The following CCR1 variants were observed in gnomAD, a reference collection of about 807,000 sequenced individuals.
CCR1 encodes C-C chemokine receptor type 1.
In CCR1, 1 loss-of-function variant was observed where a neutral mutation model predicts 0.3. That is an observed-to-expected ratio of 3.70 (90% CI 1.31 to 17.54). CCR1 has a LOEUF of 17.54. Ranked by LOEUF, CCR1 falls within the 30% of genes most tolerant of loss-of-function variation. The pLI is 0.11. For synonymous variants in CCR1, 207 were observed against 182.5 expected (o/e 1.13, Z -1.08); for missense variants, 349 against 435.4 (o/e 0.80, Z 1.77).
rs1005668593 is a variant in CCR1 at position 46,206,948 on chromosome 3, T to C, written c.-12+1334A>G. Among the ~76,000 whole-genome samples the C allele has an allele frequency of 5.3e-5, 8 of 152,336 alleles. No individual in the cohort carries two copies. The East Asian group carries it at 1.3e-3, about 26-fold the overall frequency. On this transcript the variant is annotated intron_variant, in intron 1 of 1. Coordinates refer to ENST00000296140, the MANE Select transcript of CCR1 (RefSeq NM_001295.3). Reference sequence around the variant, plus strand: ...GTCTCTGAGCAGAGATAGAGCAGTCTGTGATGGTGAAAGACACCCAGGCCT... The same window carrying C: ...GTCTCTGAGCAGAGATAGAGCAGTCCGTGATGGTGAAAGACACCCAGGCCT...
Position 46,203,121 on chromosome 3 carries a change from T to A in CCR1, c.*125A>T. ...AGGCCACCATTACATTCCCTCTCTA[T>A]CCCAAGTGGCTGTGACTCCATGCTG... On this transcript the variant is annotated 3_prime_UTR_variant, in exon 2 of 2. Transcript: ENST00000296140. This position sits in a 1 kb window ranked among gnomAD's most constrained non-coding sequence, Gnocchi z 4.5. The A allele has an allele frequency of 3.1e-6, 2 of 653,334 alleles. No individual in the cohort carries two copies. The highest frequency in any genetic ancestry group is 4.1e-5 in the South Asian group (2 of 48,730). The allele number at this position is 653,334 out of a possible 1,614,324, so 40.5% of individuals were successfully genotyped here.
rs140118679 is a variant in CCR1 at position 46,207,885 on chromosome 3, C to A, written c.-12+397G>T. ...TCCATCTCTTGACCTCATGATCCAC[C>A]TGCCTCGGTCTCCCAAAGTGCTGGG... On this transcript the variant is annotated intron_variant, in intron 1 of 1. Coordinates refer to ENST00000296140, the MANE Select transcript of CCR1 (RefSeq NM_001295.3). 2.1e-3 allele frequency among the ~76,000 whole-genome samples: 324 copies of A among 152,254 alleles called. 2 individuals carry two copies. Among genetic ancestry groups the A allele is most frequent in the African/African-American group, 7.3e-3 (305 of 41,544 alleles).
chr3:46,206,821 C>T (rs1699652615), intron 1 of CCR1, among the ~76,000 whole-genome samples: 1 of 152,198 alleles, frequency 6.6e-6, no homozygotes, highest in African/African-American at 2.4e-5. Context: ...CTGCTGTAGT[C>T]TACTGCAGAA....
Position 46,204,067 on chromosome 3 carries a change from AGAGCAGGTCAGAAAT to A in CCR1, c.232_246del (p.Ile78_Leu82del). 1 of 1,614,226 alleles carries A rather than the reference AGAGCAGGTCAGAAAT, an allele frequency of 6.2e-7. No homozygotes were observed. Among genetic ancestry groups the A allele is most frequent in the Non-Finnish European group, 8.5e-7 (1 of 1,180,028 alleles). On this transcript the variant is annotated inframe_deletion, in exon 2 of 2. Coordinates refer to ENST00000296140, the MANE Select transcript of CCR1 (RefSeq NM_001295.3). ...ATCCAGAAGGGAAGCGTGAACAGGA[AGAGCAGGTCAGAAAT>A]GGCCAGGTTCAGGAGGTAGATGCTG...
Position 46,202,918 on chromosome 3 carries a change from G to T in CCR1, c.*328C>A. On this transcript the variant is annotated 3_prime_UTR_variant, in exon 2 of 2. Transcript: ENST00000296140. ...GTTTGTGCAAGCAATAGTGGGAAGT[G>T]GGTGACTTTGTTGACAAATGCTAAT... 1 of 253,914 alleles carries T rather than the reference G, an allele frequency of 3.9e-6. No individual in the cohort carries two copies. Among genetic ancestry groups the T allele is most frequent in the East Asian group, 8.7e-5 (1 of 11,498 alleles). 15.7% of individuals were successfully genotyped at this position (253,914 alleles called of 1,614,324 possible). A position where few individuals can be genotyped will look rare whatever the true frequency, so the allele number is the denominator to read the frequency against.
At position 46,203,317 on chromosome 3, in the gene CCR1, C is replaced by T. The variant is rs200012330; in HGVS notation, c.997G>A (p.Val333Met). Residue 333 changes from valine (V) to methionine (M), a missense_variant, in exon 2 of 2, where the codon GTG becomes ATG. Transcript: ENST00000296140. The surrounding 1 kb of genome is among the most constrained non-coding windows in gnomAD (Gnocchi z 4.5). ...GAGCTGACCCTCTCCAGCCTGTCCA[C>T]GGAGAGGAAGGGGAGCCATTTAACC... ...HLVKWLPFLSVDRLERVSSTS... is the reference protein window; with the variant it reads ...HLVKWLPFLSMDRLERVSSTS... 65 of 1,614,144 alleles carry T rather than the reference C, an allele frequency of 4.0e-5. No homozygotes were observed. In the Admixed American group the frequency reaches 6.7e-4, roughly 17 times the overall value.
intron 1 of CCR1, 68 bp from the exon 2 acceptor site, chr3:46,204,392 T>A: frequency 1.0e-6 from 1 of 1,000,416 alleles, no homozygotes; most frequent in Non-Finnish European, 1.4e-6. Flanking sequence ...CACTGGACAG[T>A]AAAGACAAGG....
In CCR1 at chr3:46,202,512, C is replaced by T. The variant is rs1277820894; in HGVS notation, c.*734G>A. On this transcript the variant is annotated 3_prime_UTR_variant, in exon 2 of 2. Transcript: ENST00000296140. ...GTTATTCATATGGCCCGTGCTTAGC[C>T]CACTCCCTGAATTGTTTGATTTTAG... 6.6e-6 allele frequency: 1 copy of T among 152,046 alleles called. No individual in the cohort carries two copies. Among genetic ancestry groups the T allele is most frequent in the East Asian group, 1.9e-4 (1 of 5,190 alleles). 9.4% of individuals were successfully genotyped at this position (152,046 alleles called of 1,614,324 possible). A position where few individuals can be genotyped will look rare whatever the true frequency, so the allele number is the denominator to read the frequency against.
At chr3:46,205,026 T>C (rs533738885) in intron 1 of CCR1, among the ~76,000 whole-genome samples, 2 of 152,304 alleles carry the variant, frequency 1.3e-5, no homozygotes, top group Non-Finnish European at 2.9e-5. Flanking sequence ...CTAGTACCCT[T>C]GGGGCACTTG....
At chr3:46,206,408 A>G (rs894757044) in intron 1 of CCR1, among the ~76,000 whole-genome samples, 1 of 152,150 alleles carries the variant, frequency 6.6e-6, no homozygotes, top group African/African-American at 2.4e-5. Context: ...GTCACTAACA[A>G]AGCTGTGTTG....
Position 46,204,229 on chromosome 3 carries a change from C to T in CCR1, c.85G>A (p.Glu29Lys), listed in dbSNP as rs746150131. Reference sequence around the variant, plus strand: ...AGCAGTTGGGCCCCAAAGGCCCTCTCGTTCACCTTCTGGCACGGAGTTGCA... The same window carrying T: ...AGCAGTTGGGCCCCAAAGGCCCTCTTGTTCACCTTCTGGCACGGAGTTGCA... ...GDATPCQKVNERAFGAQLLPP... is the reference protein window; with the variant it reads ...GDATPCQKVNKRAFGAQLLPP... Residue 29 changes from glutamate to lysine, a missense_variant, in exon 2 of 2, where the codon GAG becomes AAG. By Grantham distance (56) the Glu-to-Lys change is moderately conservative (BLOSUM62 1). Transcript: ENST00000296140. The T allele has an allele frequency of 4.3e-6, 7 of 1,613,608 alleles. No individual in the cohort carries two copies. Among genetic ancestry groups the T allele is most frequent in the East Asian group, 2.2e-5 (1 of 44,832 alleles).
chr3:46,205,854 C>T (rs1048712835), intron 1 of CCR1, among the ~76,000 whole-genome samples: 2 of 152,140 alleles, frequency 1.3e-5, no homozygotes, highest in African/African-American at 2.4e-5. Flanking sequence ...GAGAGAACTC[C>T]TTCACTGCAG....
chr3:46,204,402 G>A (rs1468802504), intron 1 of CCR1, 78 bp from the exon 2 acceptor site: 17 of 916,848 alleles, frequency 1.9e-5, no homozygotes, highest in East Asian at 5.3e-5. Context: ...TAAAGACAAG[G>A]GAGAGGTAAC....
rs889659028 is a variant in CCR1, at chr3:46,202,582, A to G, written c.*664T>C. The G allele has an allele frequency of 6.6e-6, 1 of 152,172 alleles. No homozygotes were observed. Among genetic ancestry groups the G allele is most frequent in the Non-Finnish European group, 1.5e-5 (1 of 68,064 alleles). The allele number at this position is 152,172 out of a possible 1,614,324, so 9.4% of individuals were successfully genotyped here. On this transcript the variant is annotated 3_prime_UTR_variant, in exon 2 of 2. Transcript: ENST00000296140. ...TAAGGGCTTTCTTAGTTCCACTGCC[A>G]GCAGTAGTTCCCCATTTCTATTTCT...
Position 46,202,879 on chromosome 3 carries a change from A to G in CCR1, c.*367T>C. 1 of 182,246 alleles carries G rather than the reference A, an allele frequency of 5.5e-6. No homozygotes were observed. The highest frequency in any genetic ancestry group is 1.2e-5 in the Non-Finnish European group (1 of 86,738). The allele number at this position is 182,246 out of a possible 1,614,324, so 11.3% of individuals were successfully genotyped here. A position where few individuals can be genotyped will look rare whatever the true frequency, so the allele number is the denominator to read the frequency against. ...TTGAATGGAGCCCACAGTCACCACTACTGGGTTTAATTGGTTTGTGCAAGC... is the reference window on the plus strand; with the variant it reads ...TTGAATGGAGCCCACAGTCACCACTGCTGGGTTTAATTGGTTTGTGCAAGC... On this transcript the variant is annotated 3_prime_UTR_variant, in exon 2 of 2. Transcript: ENST00000296140.
In CCR1 at chr3:46,204,224, C is replaced by G; in HGVS notation, c.90G>C (p.Arg30Ser). Reference protein sequence around the residue: ...DATPCQKVNERAFGAQLLPPL... With the variant: ...DATPCQKVNESAFGAQLLPPL... ...GGGGCAGCAGTTGGGCCCCAAAGGCCCTCTCGTTCACCTTCTGGCACGGAG... is the reference window on the plus strand; with the variant it reads ...GGGGCAGCAGTTGGGCCCCAAAGGCGCTCTCGTTCACCTTCTGGCACGGAG... Residue 30 changes from arginine (R) to serine (S), a missense_variant, in exon 2 of 2, where the codon AGG (arginine) becomes AGC (serine). Coordinates refer to ENST00000296140, the MANE Select transcript of CCR1 (RefSeq NM_001295.3). The G allele has an allele frequency of 6.2e-7, 1 of 1,614,008 alleles. No individual in the cohort carries two copies. Among genetic ancestry groups the G allele is most frequent in the Non-Finnish European group, 8.5e-7 (1 of 1,179,992 alleles).
Position 46,203,604 on chromosome 3 carries a change from G to A in CCR1, c.710C>T (p.Ala237Val), listed in dbSNP as rs781003223. Residue 237 changes from alanine to valine, a missense_variant, in exon 2 of 2, where the codon GCT (alanine) becomes GTT (valine). By Grantham distance (64) the Ala-to-Val change is moderately conservative. Coordinates refer to ENST00000296140, the MANE Select transcript of CCR1 (RefSeq NM_001295.3). This position sits in a 1 kb window ranked among gnomAD's most constrained non-coding sequence, Gnocchi z 4.5. ...LRRPNEKKSK[A>V]VRLIFVIMII... is the part of the protein sequence containing the mutation. ...CATGATGACAAAAATCAAACGGACA[G>A]CTTTGGATTTCTTCTCATTTGGTCG... is the stretch of plus-strand genomic sequence containing the variant. 1.2e-6 allele frequency: 2 copies of A among 1,614,016 alleles called. No homozygotes were observed. Among genetic ancestry groups the A allele is most frequent in the Non-Finnish European group, 1.7e-6 (2 of 1,179,860 alleles).
Position 46,204,234 on chromosome 3 carries a change from A to T in CCR1, c.80T>A (p.Val27Glu), listed in dbSNP as rs1291341654. ...DYGDATPCQK[V>E]NERAFGAQLL... ...TTGGGCCCCAAAGGCCCTCTCGTTC[A>T]CCTTCTGGCACGGAGTTGCATCCCC... The change falls in exon 2 of 2, where the codon GTG becomes GAG. Residue 27 changes from valine to glutamate, a missense_variant. Coordinates refer to ENST00000296140, the MANE Select transcript of CCR1 (RefSeq NM_001295.3). The T allele has an allele frequency of 6.2e-7, 1 of 1,613,698 alleles. No homozygotes were observed. The highest frequency in any genetic ancestry group is 1.3e-5 in the African/African-American group (1 of 74,886).
rs748400027 is a variant in CCR1 at position 46,203,345 on chromosome 3, G to A, written c.969C>T (p.His323=). ...AGAGGAAGGGGAGCCATTTAACCAG[G>A]TGCACAGCCACACGCCTGTGGAACA... ...RQLFHRRVAV[H]LVKWLPFLSV... Residue 323 remains histidine (H), a synonymous_variant, in exon 2 of 2, where the codon CAC becomes CAT. Transcript: ENST00000296140. This position sits in a 1 kb window ranked among gnomAD's most constrained non-coding sequence, Gnocchi z 4.5. The A allele has an allele frequency of 2.5e-6, 4 of 1,614,140 alleles. No homozygotes were observed. The highest frequency in any genetic ancestry group is 2.2e-5 in the East Asian group (1 of 44,870).
Sources: gnomAD v4.1 joint callset for allele counts (sites outside exome capture counted in the v4.1 genomes callset) on GRCh38, gnomAD v4.1.1 for gene constraint, Gnocchi (gnomAD v3.1) non-coding constraint, MANE v1.5 for transcripts, NCBI Gene and HGNC (gene_info 2026-07-23, HGNC 2026-07-21) for gene names.